The following SH3KBP1 variants were observed in gnomAD, a reference collection of about 807,000 sequenced individuals.
SH3KBP1 encodes the protein SH3 domain-containing kinase-binding protein 1.
In SH3KBP1, 8 loss-of-function variants were observed where a neutral mutation model predicts 50.1. That is an observed-to-expected ratio of 0.16 (90% CI 0.09 to 0.29). The LOEUF is 0.29. Ranked by LOEUF, SH3KBP1 falls within the 10% of genes least tolerant of loss-of-function variation. SH3KBP1 has a pLI of 1.00. For synonymous variants in SH3KBP1, 227 were observed against 218.6 expected, an observed-to-expected ratio of 1.04 and a Z score of -0.34; for missense variants, 377 against 535.2, an observed-to-expected ratio of 0.70 and a Z score of 2.92.
chrX:19,783,101 C>T (rs1227954218), intron 2 of SH3KBP1, among the ~76,000 whole-genome samples: 1 of 112,120 alleles, frequency 8.9e-6, no homozygotes, highest in East Asian at 2.8e-4. Context: ...GCCTAGGTGA[C>T]AGAGCGAGAC....
intron 1 of SH3KBP1, among the ~76,000 whole-genome samples, chrX:19,881,298 T>A (rs755484793): frequency 8.9e-6 from 1 of 111,769 alleles, no homozygotes. Context: ...AGGGCTTGAC[T>A]GTACATCAGA....
chrX:19,733,825 T>C (rs1178581839), intron 3 of SH3KBP1, among the ~76,000 whole-genome samples: 1 of 110,879 alleles, frequency 9.0e-6, no homozygotes, highest in African/African-American at 3.3e-5. Flanking sequence ...TATTAACAAA[T>C]GACGGAAGAA....
chrX:19,824,503 G>A (rs1603265817), intron 2 of SH3KBP1, among the ~76,000 whole-genome samples: 1 of 111,251 alleles, frequency 9.0e-6, no homozygotes, highest in East Asian at 2.8e-4. Context: ...ATGACGTAGT[G>A]CACCTGGAGC....
chrX:19,823,925 G>A (rs908317123), intron 2 of SH3KBP1, among the ~76,000 whole-genome samples: 2 of 111,703 alleles, frequency 1.8e-5, no homozygotes, highest in East Asian at 2.8e-4. Context: ...AGGTTCAAGC[G>A]ATTTTTGTGC....
chrX:19,662,753 T>C (rs1293064592), intron 6 of SH3KBP1, among the ~76,000 whole-genome samples: 1 of 110,397 alleles, frequency 9.1e-6, no homozygotes, highest in Non-Finnish European at 1.9e-5. Context: ...TTCTCAGCTA[T>C]TTGACAAGCA....
intron 8 of SH3KBP1, among the ~76,000 whole-genome samples, chrX:19,619,648 G>A (rs1045992114): frequency 9.0e-6 from 1 of 110,933 alleles, no homozygotes; most frequent in African/African-American, 3.3e-5. Flanking sequence ...CGGGTGTGGT[G>A]GCGCATGCCT....
chrX:19,736,014 G>A (rs1412584383), intron 3 of SH3KBP1, among the ~76,000 whole-genome samples: 1 of 111,605 alleles, frequency 9.0e-6, no homozygotes, highest in Non-Finnish European at 1.9e-5. Context: ...GTGAGCCACC[G>A]CACCTGGCCA....
chrX:19,580,970 CAG>C (rs1712821875), intron 12 of SH3KBP1, among the ~76,000 whole-genome samples: 1 of 111,240 alleles, frequency 9.0e-6, no homozygotes, highest in Non-Finnish European at 1.9e-5. Flanking sequence ...TATTTAGAGA[CAG>C]GGCTTCACTC....
chrX:19,617,877 T>C (rs1210993612), intron 8 of SH3KBP1, among the ~76,000 whole-genome samples: 2 of 111,002 alleles, frequency 1.8e-5, no homozygotes, highest in African/African-American at 3.3e-5. Flanking sequence ...ACCTTTGAGT[T>C]CAGATGTCAT....
intron 1 of SH3KBP1, among the ~76,000 whole-genome samples, chrX:19,844,038 G>A (rs1019368579): frequency 1.8e-5 from 2 of 111,505 alleles, no homozygotes; most frequent in African/African-American, 6.5e-5. Flanking sequence ...GTGACATGGG[G>A]TGAGATTCCT....
chrX:19,825,699 C>A (rs1019253922), intron 2 of SH3KBP1, among the ~76,000 whole-genome samples: 1 of 111,349 alleles, frequency 9.0e-6, no homozygotes, highest in African/African-American at 3.3e-5. Flanking sequence ...GATGGCAAAA[C>A]CCTATCTCTA....
intron 1 of SH3KBP1, among the ~76,000 whole-genome samples, chrX:19,854,422 T>C (rs1024790710): frequency 1.8e-5 from 2 of 111,673 alleles, no homozygotes; most frequent in African/African-American, 6.5e-5. Flanking sequence ...AGCCGGCAGC[T>C]ATTTCTTTAA....
chrX:19,794,230 C>CAAAA (rs1218495525), intron 2 of SH3KBP1, among the ~76,000 whole-genome samples: 3 of 27,329 alleles, frequency 1.1e-4, no homozygotes, highest in Non-Finnish European at 2.6e-4. Flanking sequence ...CCTGTCTCTA[C>CAAAA]AAAAAAAAAA....
At chrX:19,668,243 A>G (rs1173325057) in intron 6 of SH3KBP1, among the ~76,000 whole-genome samples, 10 of 110,010 alleles carry the variant, frequency 9.1e-5, no homozygotes, top group Non-Finnish European at 1.9e-4. Flanking sequence ...GCGGTGGCTC[A>G]TGCCTGTAAT....
intron 2 of SH3KBP1, among the ~76,000 whole-genome samples, chrX:19,806,562 T>C (rs1016144901): frequency 2.7e-5 from 3 of 111,262 alleles, no homozygotes; most frequent in Non-Finnish European, 5.7e-5. Context: ...TTAACAGTTA[T>C]TGAGATCACA....
chrX:19,621,388 C>T lies in SH3KBP1; in HGVS notation c.897+10476G>A, dbSNP rs189791294. ...ACAGGCGTGAGCCACCATGCCCGGT[C>T]GCCAACACCATTTCTTGAAAAGATT... On this transcript the variant is annotated intron_variant, in intron 8 of 17. Coordinates refer to ENST00000397821, the MANE Select transcript of SH3KBP1 (RefSeq NM_031892.3). 2.6e-3 allele frequency among the ~76,000 whole-genome samples: 282 copies of T among 109,428 alleles called. 1 individual carries two copies. The highest frequency in any genetic ancestry group is 9.0e-3 in the African/African-American group (272 of 30,094).
intron 7 of SH3KBP1, among the ~76,000 whole-genome samples, chrX:19,632,233 A>G (rs2061596178): frequency 8.9e-6 from 1 of 111,825 alleles, no homozygotes; most frequent in Admixed American, 9.5e-5. Flanking sequence ...GCAGAAAGGT[A>G]AAAAGGTTTC....
intron 2 of SH3KBP1, among the ~76,000 whole-genome samples, chrX:19,781,932 AT>A (rs1287523821): frequency 8.9e-6 from 1 of 111,843 alleles, no homozygotes. Context: ...AAACTATCAC[AT>A]TATGAAGGCT....
chrX:19,815,664 A>G (rs1165400704), intron 2 of SH3KBP1, among the ~76,000 whole-genome samples: 1 of 111,153 alleles, frequency 9.0e-6, no homozygotes, highest in Non-Finnish European at 1.9e-5. Context: ...TCTTCCCCAC[A>G]CCCTGTCATT....
Sources: allele counts gnomAD v4.1 joint callset (sites outside exome capture counted in the v4.1 genomes callset), GRCh38; gene constraint gnomAD v4.1.1; transcripts MANE v1.5; gene names NCBI Gene and HGNC (gene_info 2026-07-23, HGNC 2026-07-21).